The following PARN variants were observed in gnomAD, a reference collection of about 807,000 sequenced individuals.
The protein encoded by PARN is poly(A)-specific ribonuclease PARN.
PARN carries 71 observed loss-of-function variants against 102.8 expected under a neutral mutation model. The observed-to-expected ratio is 0.69, with a 90% CI of 0.57 to 0.84. The LOEUF is 0.84. PARN is among the 40% of genes least tolerant of loss of function. PARN has a pLI of 0.00. For missense variants in PARN, 782 were observed against 760.9 expected (o/e 1.03, Z -0.33); for synonymous variants, 261 against 252.9 (o/e 1.03, Z -0.30).
chr16:14,479,348 G>T (rs1963254729), intron 22 of PARN, among the ~76,000 whole-genome samples: 1 of 151,904 alleles, frequency 6.6e-6, no homozygotes. Context: ...TAGGGCCCAA[G>T]AGGTCAAGGC....
intron 22 of PARN, among the ~76,000 whole-genome samples, chr16:14,477,000 T>C (rs946611217): frequency 6.6e-5 from 10 of 152,292 alleles, no homozygotes; most frequent in South Asian, 4.1e-4. Context: ...GGCAGACCTG[T>C]CCTCAACATT....
Position 14,511,228 on chromosome 16 carries a change from A to C in PARN, c.1481-28401T>G, listed in dbSNP as rs1965172696. On this transcript the variant is annotated intron_variant, in intron 21 of 23. Transcript: ENST00000437198. ...CTAGCTTGTTTACCTCCATGAGTTG[A>C]CACAGGGTGATGAGTCCAAGGTCTC... Among the ~76,000 whole-genome samples, 4 of 152,350 alleles carry C rather than the reference A, an allele frequency of 2.6e-5. 1 individual carries two copies. The South Asian group carries it at 6.2e-4, about 24-fold the overall frequency.
intron 22 of PARN, among the ~76,000 whole-genome samples, chr16:14,456,986 T>G (rs1284072613): frequency 6.6e-6 from 1 of 152,214 alleles, no homozygotes; most frequent in Non-Finnish European, 1.5e-5. Context: ...GAGAGCAGGC[T>G]CTTACACTGC....
chr16:14,445,422 G>C (rs991743479), intron 23 of PARN, among the ~76,000 whole-genome samples: 1 of 152,224 alleles, frequency 6.6e-6, no homozygotes, highest in African/African-American at 2.4e-5. Flanking sequence ...TCCACCACTT[G>C]ACTACTACTT....
At chr16:14,579,934 C>A (rs1410132785) in intron 18 of PARN, among the ~76,000 whole-genome samples, 1 of 151,612 alleles carries the variant, frequency 6.6e-6, no homozygotes, top group East Asian at 1.9e-4. Context: ...TGAGATTGTG[C>A]CACTGCACTC....
At chr16:14,521,055 T>C (rs972747596) in intron 21 of PARN, among the ~76,000 whole-genome samples, 18 of 152,250 alleles carry the variant, frequency 1.2e-4, no homozygotes, top group African/African-American at 4.3e-4. Flanking sequence ...TTCTCTAGTC[T>C]AGTTTCTCCA....
chr16:14,559,515 A>T (rs1480298263), intron 18 of PARN, among the ~76,000 whole-genome samples: 1 of 152,090 alleles, frequency 6.6e-6, no homozygotes, highest in African/African-American at 2.4e-5. Flanking sequence ...CATCATGGAG[A>T]ATGCAGTGTC....
intron 6 of PARN, 115 bp from the exon 7 acceptor site, chr16:14,610,924 T>C: frequency 1.5e-6 from 1 of 674,420 alleles, no homozygotes; most frequent in Non-Finnish European, 2.6e-6. Flanking sequence ...TTTAACTACA[T>C]CTCAAAAAAT....
chr16:14,566,404 C>T (rs1567392890), intron 18 of PARN, among the ~76,000 whole-genome samples: 1 of 152,116 alleles, frequency 6.6e-6, no homozygotes, highest in Non-Finnish European at 1.5e-5. Flanking sequence ...CCAAGGAACG[C>T]CTGCAGCCAC....
At chr16:14,471,069 T>C (rs904092610) in intron 22 of PARN, among the ~76,000 whole-genome samples, 3 of 152,212 alleles carry the variant, frequency 2.0e-5, no homozygotes, top group African/African-American at 7.2e-5. Context: ...AGGTATGAGC[T>C]ACCATGCCCA....
chr16:14,498,739 T>A (rs1467947390), intron 21 of PARN, among the ~76,000 whole-genome samples: 1 of 152,214 alleles, frequency 6.6e-6, no homozygotes, highest in East Asian at 1.9e-4. Context: ...AGACTATGGG[T>A]TGCCTTGGGA....
At chr16:14,502,092 C>T (rs1340151382) in intron 21 of PARN, among the ~76,000 whole-genome samples, 1 of 152,210 alleles carries the variant, frequency 6.6e-6, no homozygotes, top group Non-Finnish European at 1.5e-5. Flanking sequence ...AGCTCTACTA[C>T]TGGAAGGCCA....
rs968317875 is a variant in PARN at position 14,606,543 on chromosome 16, C to T, written c.660-17G>A. On this transcript the variant is annotated splice_polypyrimidine_tract_variant and intron_variant, in intron 9 of 23. Coordinates refer to ENST00000437198, the MANE Select transcript of PARN (RefSeq NM_002582.4). ...TTCGGATACCTAAAGAAAAGAAAAA[C>T]ATAGTATCAGTAGATGAGTCAATGA... The T allele has an allele frequency of 1.3e-6, 2 of 1,492,950 alleles. No homozygotes were observed. The highest frequency in any genetic ancestry group is 1.7e-4 in the Middle Eastern group (1 of 5,718). 92.5% of individuals were successfully genotyped at this position (1,492,950 alleles called of 1,614,324 possible).
chr16:14,576,382 T>C (rs1388464864), intron 18 of PARN: 1 of 152,242 alleles, frequency 6.6e-6, no homozygotes, highest in Non-Finnish European at 1.5e-5. Context: ...AAAAGAGACC[T>C]GCTTATTCTT....
intron 22 of PARN, among the ~76,000 whole-genome samples, chr16:14,472,622 A>T (rs567849540): frequency 3.3e-5 from 5 of 152,264 alleles, no homozygotes; most frequent in Non-Finnish European, 7.3e-5. Flanking sequence ...AGGCACAAAA[A>T]ACATGGCACC....
chr16:14,595,297 T>C (rs1360579198), intron 12 of PARN, among the ~76,000 whole-genome samples: 2 of 152,134 alleles, frequency 1.3e-5, no homozygotes, highest in Admixed American at 6.6e-5. Context: ...TCACGTGGTA[T>C]TGTACTGGAA....
chr16:14,614,135 T>C (rs750769035), intron 6 of PARN, among the ~76,000 whole-genome samples: 21 of 151,994 alleles, frequency 1.4e-4, no homozygotes, highest in Non-Finnish European at 2.9e-4. Context: ...TGTGCACCTA[T>C]GGTTCCAGCT....
At chr16:14,615,573 T>TA (rs1383156563) in intron 6 of PARN, among the ~76,000 whole-genome samples, 1 of 151,914 alleles carries the variant, frequency 6.6e-6, no homozygotes, top group Non-Finnish European at 1.5e-5. Flanking sequence ...TCAAAATCAG[T>TA]AAAAATTAAG....
chr16:14,607,717 G>T lies in PARN; in HGVS notation c.659+564C>A, dbSNP rs1399228769. 3.9e-5 allele frequency among the ~76,000 whole-genome samples: 6 copies of T among 152,148 alleles called. No homozygotes were observed. In the South Asian group the frequency reaches 1.2e-3, roughly 32 times the overall value. ...CTGTTGTGTTCAAAGTATATTCCCA[G>T]TATACATGTCACTGGTAGATTCCAA... On this transcript the variant is annotated intron_variant, in intron 9 of 23. Transcript: ENST00000437198.
Sources: allele counts gnomAD v4.1 joint callset (sites outside exome capture counted in the v4.1 genomes callset), GRCh38; gene constraint gnomAD v4.1.1; transcripts MANE v1.5; gene names NCBI Gene and HGNC (gene_info 2026-07-23, HGNC 2026-07-21).